The following VKORC1L1 variants were observed in gnomAD, a reference collection of about 807,000 sequenced individuals.
VKORC1L1 encodes vitamin K epoxide reductase complex subunit 1L1, also known as vitamin K epoxide reductase complex subunit 1-like protein 1.
VKORC1L1 carries 2 observed loss-of-function variants against 18.9 expected under a neutral mutation model. That is an observed-to-expected ratio of 0.11 (90% CI 0.04 to 0.33). The LOEUF is 0.33. VKORC1L1 is among the 10% of genes least tolerant of loss of function. VKORC1L1 has a pLI of 1.00. For synonymous variants in VKORC1L1, 96 were observed against 100.0 expected (o/e 0.96, Z 0.24); for missense variants, 123 against 224.1 (o/e 0.55, Z 2.88).
chr7:65,880,229 A>G (rs538843606), intron 1 of VKORC1L1, among the ~76,000 whole-genome samples: 1 of 152,334 alleles, frequency 6.6e-6, no homozygotes, highest in African/African-American at 2.4e-5. Context: ...TTTTTTAAAT[A>G]TGCAAACAAT....
At chr7:65,894,870 A>AC (rs1307511115) in intron 1 of VKORC1L1, among the ~76,000 whole-genome samples, 2 of 152,342 alleles carry the variant, frequency 1.3e-5, no homozygotes, top group South Asian at 2.1e-4. Flanking sequence ...ACACAGTGAG[A>AC]CCCTATCTTT....
intron 1 of VKORC1L1, among the ~76,000 whole-genome samples, chr7:65,903,939 T>C (rs1473463155): frequency 6.6e-6 from 1 of 152,106 alleles, no homozygotes; most frequent in Non-Finnish European, 1.5e-5. Context: ...ACATAAGAAT[T>C]TTTTTTCCAT....
upstream of VKORC1L1, among the ~76,000 whole-genome samples, chr7:65,869,490 C>T (rs901448008): frequency 2.6e-5 from 4 of 151,802 alleles, no homozygotes; most frequent in Non-Finnish European, 4.4e-5. Context: ...ATTCCTGTGG[C>T]GGCTTTGGGG....
At position 65,954,140 on chromosome 7, in the gene VKORC1L1, C is replaced by A; in HGVS notation, c.371C>A (p.Ser124Tyr). The change falls in exon 3 of 3, where the codon TCC (serine) becomes TAC (tyrosine). Residue 124 changes from serine (S) to tyrosine (Y), a missense_variant. This residue lies in a region of VKORC1L1 where 41 missense variants were observed against 61.6 expected (regional missense o/e 0.67). Transcript: ENST00000360768. ...MTSSIMSVVG[S>Y]LYLAYILYFV... ...TCCTCCATCATGTCGGTCGTGGGGT[C>A]CCTGTACCTGGCCTACATTCTGTAC... The A allele has an allele frequency of 1.2e-6, 2 of 1,612,676 alleles. No individual in the cohort carries two copies. The highest frequency in any genetic ancestry group is 1.1e-5 in the South Asian group (1 of 91,060).
At chr7:65,926,052 C>T (rs1263245780) in intron 1 of VKORC1L1, among the ~76,000 whole-genome samples, 1 of 151,950 alleles carries the variant, frequency 6.6e-6, no homozygotes, top group Non-Finnish European at 1.5e-5. Context: ...CCTATGGTAA[C>T]ATCTGTAATT....
chr7:65,926,594 C>A (rs1403287010), intron 1 of VKORC1L1, among the ~76,000 whole-genome samples: 1 of 152,202 alleles, frequency 6.6e-6, no homozygotes, highest in Non-Finnish European at 1.5e-5. Flanking sequence ...AGCAGTCCCA[C>A]TCCTGGGTAT....
chr7:65,945,121 C>T (rs1790097454), intron 1 of VKORC1L1, among the ~76,000 whole-genome samples: 1 of 151,550 alleles, frequency 6.6e-6, no homozygotes, highest in South Asian at 2.1e-4. Context: ...ATTAGCTGGG[C>T]GTGGTGGCGG....
At chr7:65,912,816 CAT>C (rs943570044) in intron 1 of VKORC1L1, among the ~76,000 whole-genome samples, 9 of 152,158 alleles carry the variant, frequency 5.9e-5, no homozygotes, top group African/African-American at 1.4e-4. Context: ...AAATATAAAA[CAT>C]ATGCCACATT....
intron 1 of VKORC1L1, among the ~76,000 whole-genome samples, chr7:65,931,631 AG>A (rs1255013966): frequency 2.0e-5 from 3 of 151,810 alleles, no homozygotes; most frequent in Admixed American, 6.6e-5. Context: ...GGTTAGCTAG[AG>A]GTTTATTGAT....
rs1469982734 is a variant in VKORC1L1 at position 65,955,513 on chromosome 7, A to G, written c.*1213A>G. On this transcript the variant is annotated 3_prime_UTR_variant, in exon 3 of 3. Coordinates refer to ENST00000360768, the MANE Select transcript of VKORC1L1 (RefSeq NM_173517.6). Reference sequence around the variant, plus strand: ...TGCTCATGTCGCCACTGCTCTCATAATGACACACATGCAGTAAGAAGACTT... The same window carrying G: ...TGCTCATGTCGCCACTGCTCTCATAGTGACACACATGCAGTAAGAAGACTT... 1.3e-5 allele frequency: 2 copies of G among 152,262 alleles called. No homozygotes were observed. The highest frequency in any genetic ancestry group is 4.8e-5 in the African/African-American group (2 of 41,454). The allele number at this position is 152,262 out of a possible 1,614,324, so 9.4% of individuals were successfully genotyped here.
intron 1 of VKORC1L1, among the ~76,000 whole-genome samples, chr7:65,902,071 A>G (rs1002080486): frequency 6.6e-6 from 1 of 152,226 alleles, no homozygotes; most frequent in Admixed American, 6.5e-5. Flanking sequence ...CCCTATTTAA[A>G]GAAAAACACA....
chr7:65,879,269 T>G (rs559367695), intron 1 of VKORC1L1, among the ~76,000 whole-genome samples: 2 of 152,290 alleles, frequency 1.3e-5, no homozygotes, highest in South Asian at 4.1e-4. Context: ...TAGTTTTGAC[T>G]AACCAAGATA....
intron 1 of VKORC1L1, among the ~76,000 whole-genome samples, chr7:65,874,448 T>G (rs1352885812): frequency 1.3e-5 from 2 of 151,790 alleles, no homozygotes; most frequent in Admixed American, 6.6e-5. Flanking sequence ...TCCACCCACC[T>G]CTGCCTTCCA....
Position 65,951,543 on chromosome 7 carries a change from C to T in VKORC1L1, c.305-2531C>T, listed in dbSNP as rs1790212850. ...GAGCTAATGTCGCACCATTGCACTC[C>T]AGCCTCGGTGACAGAGCGAGACTCC... On this transcript the variant is annotated intron_variant, in intron 2 of 2. Coordinates refer to ENST00000360768, the MANE Select transcript of VKORC1L1 (RefSeq NM_173517.6). Among the ~76,000 whole-genome samples the T allele has an allele frequency of 2.0e-5, 3 of 151,520 alleles. No individual in the cohort carries two copies. In the South Asian group the frequency reaches 6.3e-4, roughly 32 times the overall value.
chr7:65,902,499 A>C (rs1481605450), intron 1 of VKORC1L1, among the ~76,000 whole-genome samples: 2 of 152,232 alleles, frequency 1.3e-5, no homozygotes, highest in African/African-American at 4.8e-5. Flanking sequence ...GACTGTAACA[A>C]GGACAATTGT....
intron 1 of VKORC1L1, among the ~76,000 whole-genome samples, chr7:65,882,407 TA>T (rs1230206145): frequency 1.4e-5 from 1 of 71,066 alleles, no homozygotes; most frequent in Non-Finnish European, 3.0e-5. Flanking sequence ...AAATAAAAAG[TA>T]AAAAAGCAAA....
At chr7:65,895,126 G>A (rs964501124) in intron 1 of VKORC1L1, among the ~76,000 whole-genome samples, 5 of 151,982 alleles carry the variant, frequency 3.3e-5, no homozygotes, top group African/African-American at 1.2e-4. Context: ...ACGCCTTAAA[G>A]CTGATGACAT....
rs371848158 is a variant in VKORC1L1, at chr7:65,938,775, G to A, written c.195-9896G>A. ...TAAACCAGAGTCTCCTAAAGAGCCC[G>A]AACAGCTGTGGAAGCCTTGAAACAG... On this transcript the variant is annotated intron_variant, in intron 1 of 2. Coordinates refer to ENST00000360768, the MANE Select transcript of VKORC1L1 (RefSeq NM_173517.6). Among the ~76,000 whole-genome samples, 15 of 152,312 alleles carry A rather than the reference G, an allele frequency of 9.8e-5. No homozygotes were observed. In the East Asian group the frequency reaches 1.3e-3, roughly 14 times the overall value.
upstream of VKORC1L1, among the ~76,000 whole-genome samples, chr7:65,869,889 A>C (rs1433173872): frequency 6.6e-6 from 1 of 151,216 alleles, no homozygotes; most frequent in African/African-American, 2.4e-5. Flanking sequence ...TCCTGGCCTC[A>C]AGCGATTCTC....
Sources: gnomAD v4.1 joint callset for allele counts (sites outside exome capture counted in the v4.1 genomes callset) on GRCh38, gnomAD v4.1.1 for gene constraint, gnomAD v4.1.1 regional missense constraint, MANE v1.5 for transcripts, NCBI Gene and HGNC (gene_info 2026-07-23, HGNC 2026-07-21) for gene names.